The following ADAMTS18 variants were observed in gnomAD, a reference collection of about 807,000 sequenced individuals.
The protein encoded by ADAMTS18 is ADAM metallopeptidase with thrombospondin type 1 motif 18.
In ADAMTS18, 157 loss-of-function variants were observed where a neutral mutation model predicts 165.9. The observed-to-expected ratio is 0.95, with a 90% confidence interval of 0.83 to 1.08. ADAMTS18 has a LOEUF of 1.08. Among genes scored for constraint, ADAMTS18 ranks in the 50% least tolerant of loss-of-function variants. The pLI, the probability that ADAMTS18 is intolerant of heterozygous loss-of-function variation, is 0.00. For missense variants in ADAMTS18, 2,040 were observed against 1,534.0 expected (o/e 1.33, Z -5.51); for synonymous variants, 782 against 578.2 (o/e 1.35, Z -5.06).
At chr16:77,388,037 C>T (rs1466801098) in intron 3 of ADAMTS18, among the ~76,000 whole-genome samples, 1 of 152,166 alleles carries the variant, frequency 6.6e-6, no homozygotes, top group Non-Finnish European at 1.5e-5. Context: ...AAACCTGTTT[C>T]TGTCTTTCTC....
At chr16:77,345,351 T>C (rs1046729413) in intron 10 of ADAMTS18, among the ~76,000 whole-genome samples, 1 of 152,198 alleles carries the variant, frequency 6.6e-6, no homozygotes, top group African/African-American at 2.4e-5. Context: ...TTGGTTCTGG[T>C]AAAAAATCCT....
At chr16:77,415,659 G>C (rs1262652997) in intron 3 of ADAMTS18, among the ~76,000 whole-genome samples, 1 of 147,426 alleles carries the variant, frequency 6.8e-6, no homozygotes, top group Non-Finnish European at 1.5e-5. Flanking sequence ...GAAGAGGTGG[G>C]GAGGGTAGAT....
chr16:77,324,525 G>A (rs572897767), intron 13 of ADAMTS18, among the ~76,000 whole-genome samples: 1 of 152,274 alleles, frequency 6.6e-6, no homozygotes, highest in African/African-American at 2.4e-5. Flanking sequence ...GATAGACAAA[G>A]GCTTAGTCCT....
At chr16:77,361,511 A>G (rs901408642) in intron 7 of ADAMTS18, among the ~76,000 whole-genome samples, 4 of 152,226 alleles carry the variant, frequency 2.6e-5, no homozygotes, top group Non-Finnish European at 5.9e-5. Context: ...TTCTGTGGTC[A>G]TGATGCTTAC....
intron 11 of ADAMTS18, among the ~76,000 whole-genome samples, chr16:77,336,723 G>A (rs2056316611): frequency 1.3e-5 from 2 of 152,088 alleles, no homozygotes; most frequent in Admixed American, 6.6e-5. Flanking sequence ...TGGCTTTGCT[G>A]GTCATCTCTC....
chr16:77,334,834 A>G (rs1007648239), intron 12 of ADAMTS18, among the ~76,000 whole-genome samples: 1 of 125,800 alleles, frequency 7.9e-6, no homozygotes, highest in African/African-American at 3.1e-5. Flanking sequence ...TATATACTAT[A>G]GTATACAGTA....
At chr16:77,404,213 G>T (rs1184489077) in intron 3 of ADAMTS18, among the ~76,000 whole-genome samples, 2 of 152,176 alleles carry the variant, frequency 1.3e-5, no homozygotes, top group Non-Finnish European at 2.9e-5. Flanking sequence ...TCAAGAGCTT[G>T]AACTGACTTC....
Position 77,326,014 on chromosome 16 carries a change from A to G in ADAMTS18, c.1884T>C (p.Cys628=), listed in dbSNP as rs1265371964. 1 of 1,614,042 alleles carries G rather than the reference A, an allele frequency of 6.2e-7. No individual in the cohort carries two copies. Among genetic ancestry groups the G allele is most frequent in the Admixed American group, 1.7e-5 (1 of 60,008 alleles). The change falls in exon 13 of 23, where the codon TGT becomes TGC. Residue 628 remains cysteine, a synonymous_variant. Coordinates refer to ENST00000282849, the MANE Select transcript of ADAMTS18 (RefSeq NM_199355.4). ...GCTGATAAATACGGCTAGAACCTGGACAGAATAAGCCACCATACTGAGGCC... is the reference window on the plus strand; with the variant it reads ...GCTGATAAATACGGCTAGAACCTGGGCAGAATAAGCCACCATACTGAGGCC... ...NPKPQYGGLF[C]PGSSRIYQLC...
chr16:77,365,623 G>A (rs1190153437), intron 4 of ADAMTS18, among the ~76,000 whole-genome samples: 1 of 152,214 alleles, frequency 6.6e-6, no homozygotes, highest in Non-Finnish European at 1.5e-5. Context: ...ACCTAGAAGT[G>A]CCTGCTCGGC....
chr16:77,286,899 T>G (rs2055264031), intron 22 of ADAMTS18, among the ~76,000 whole-genome samples: 1 of 152,260 alleles, frequency 6.6e-6, no homozygotes, highest in Middle Eastern at 3.4e-3. Flanking sequence ...AGTGCAACCA[T>G]AAGGATGGCT....
chr16:77,363,129 G>A (rs776025382), intron 6 of ADAMTS18, among the ~76,000 whole-genome samples: 1 of 152,202 alleles, frequency 6.6e-6, no homozygotes, highest in African/African-American at 2.4e-5. Context: ...AATGGTAATC[G>A]CTATCTCAGA....
At chr16:77,433,828 G>A (rs145014153) in intron 2 of ADAMTS18, among the ~76,000 whole-genome samples, 8 of 152,242 alleles carry the variant, frequency 5.3e-5, no homozygotes, top group Admixed American at 1.3e-4. Context: ...AGAAGTGAGG[G>A]ATTTTCTGGA....
At chr16:77,368,689 G>C (rs1433246741) in intron 3 of ADAMTS18, among the ~76,000 whole-genome samples, 1 of 151,960 alleles carries the variant, frequency 6.6e-6, no homozygotes, top group Admixed American at 6.6e-5. Context: ...CAGATTACAG[G>C]TGTGAGCCAC....
At chr16:77,395,122 C>G (rs1223252166) in intron 3 of ADAMTS18, among the ~76,000 whole-genome samples, 2 of 152,142 alleles carry the variant, frequency 1.3e-5, no homozygotes, top group Non-Finnish European at 2.9e-5. Context: ...GCTGCCATAC[C>G]AGAAGAGACC....
chr16:77,410,035 C>T (rs1054484679), intron 3 of ADAMTS18, among the ~76,000 whole-genome samples: 2 of 152,030 alleles, frequency 1.3e-5, no homozygotes, highest in Non-Finnish European at 2.9e-5. Context: ...TTTTGATGCT[C>T]TATAATAGTG....
chr16:77,286,627 A>G (rs117826690), intron 22 of ADAMTS18, among the ~76,000 whole-genome samples: 2,015 of 152,192 alleles, frequency 0.013, 23 homozygotes, highest in Middle Eastern at 0.041. Flanking sequence ...ATTCAACTCT[A>G]TTTTTATGAT....
intron 19 of ADAMTS18, among the ~76,000 whole-genome samples, chr16:77,294,362 T>C (rs1309303083): frequency 6.6e-6 from 1 of 152,130 alleles, no homozygotes; most frequent in Non-Finnish European, 1.5e-5. Context: ...GACATCAAAA[T>C]GTCTCCTGGT....
chr16:77,408,038 T>C (rs1166390529), intron 3 of ADAMTS18, among the ~76,000 whole-genome samples: 1 of 151,968 alleles, frequency 6.6e-6, no homozygotes, highest in African/African-American at 2.4e-5. Flanking sequence ...AAAAATCTAA[T>C]AGAAAAATGG....
At chr16:77,401,435 C>T (rs2144810701) in intron 3 of ADAMTS18, among the ~76,000 whole-genome samples, 1 of 152,286 alleles carries the variant, frequency 6.6e-6, no homozygotes, top group South Asian at 2.1e-4. Flanking sequence ...GATTCCATTT[C>T]AGAGATATAG....
Sources: gnomAD v4.1 joint callset for allele counts (sites outside exome capture counted in the v4.1 genomes callset) on GRCh38, gnomAD v4.1.1 for gene constraint, MANE v1.5 for transcripts, NCBI Gene and HGNC (gene_info 2026-07-23, HGNC 2026-07-21) for gene names.